SPOCK3: variants seen among roughly 807,000 people sequenced by gnomAD.
The protein encoded by SPOCK3 is testican-3.
In SPOCK3, 30 loss-of-function variants were observed where a neutral mutation model predicts 56.6. The ratio of observed to expected loss-of-function variants is 0.53; its 90% CI spans 0.40 to 0.72. The LOEUF (loss-of-function observed/expected upper bound fraction) is 0.72, where lower values mean the gene tolerates loss of function less well. SPOCK3 is among the 30% of genes least tolerant of loss of function. The probability of loss-of-function intolerance (pLI) is 0.00; values close to 1 mark genes in which losing one functional copy is unlikely to be tolerated. For missense variants in SPOCK3, 527 were observed against 530.0 expected (o/e 0.99, Z 0.06); for synonymous variants, 196 against 183.3 (o/e 1.07, Z -0.56).
intron 3 of SPOCK3, among the ~76,000 whole-genome samples, chr4:167,060,783 T>C (rs943592605): frequency 7.2e-5 from 11 of 152,084 alleles, no homozygotes; most frequent in Admixed American, 7.2e-4. Context: ...GTTTGGGGGT[T>C]CAGACTGACT....
intron 6 of SPOCK3, among the ~76,000 whole-genome samples, chr4:166,879,623 C>G (rs1579516959): frequency 6.6e-6 from 1 of 152,146 alleles, no homozygotes; most frequent in Non-Finnish European, 1.5e-5. Flanking sequence ...ACCACTTTCC[C>G]TCATATTTTA....
intron 3 of SPOCK3, among the ~76,000 whole-genome samples, chr4:167,055,461 G>T (rs556680379): frequency 1.3e-5 from 2 of 152,112 alleles, no homozygotes; most frequent in Non-Finnish European, 2.9e-5. Context: ...CAGGACAGTG[G>T]GTGCAGCACA....
At chr4:166,975,442 A>C (rs2150081752) in intron 4 of SPOCK3, among the ~76,000 whole-genome samples, 1 of 152,310 alleles carries the variant, frequency 6.6e-6, no homozygotes, top group East Asian at 1.9e-4. Context: ...TACCATGTGC[A>C]CTAATCACAT....
In SPOCK3 at chr4:166,946,384, C is replaced by CCCCAGGCTCAGTCTGCT. The variant is rs1243365431; in HGVS notation, c.351-33658_351-33642dup. Among the ~76,000 whole-genome samples, 6 of 152,310 alleles carry CCCCAGGCTCAGTCTGCT rather than the reference C, an allele frequency of 3.9e-5. No individual in the cohort carries two copies. The East Asian group carries it at 9.7e-4, about 25-fold the overall frequency. ...TTTTTCAGAGCACATCTAATTCATA[C>CCCCAGGCTCAGTCTGCT]CCCAGGCTCAGTCTGCTCCCAGGCT... On this transcript the variant is annotated intron_variant, in intron 4 of 10. Coordinates refer to ENST00000357545, the MANE Select transcript of SPOCK3 (RefSeq NM_001040159.2).
intron 1 of SPOCK3, 95 bp from the exon 2 acceptor site, chr4:167,234,268 A>G (rs1737508875): frequency 8.1e-7 from 1 of 1,227,310 alleles, no homozygotes; most frequent in Non-Finnish European, 1.2e-6. Flanking sequence ...TGCATTAGCA[A>G]CGACGAGGGT....
chr4:166,809,745 G>A (rs1743572175), intron 6 of SPOCK3, among the ~76,000 whole-genome samples: 1 of 152,076 alleles, frequency 6.6e-6, no homozygotes. Context: ...AGCTGGAGAT[G>A]ATTGGGCACC....
chr4:167,108,068 C>T (rs531072494), intron 2 of SPOCK3, among the ~76,000 whole-genome samples: 2 of 151,910 alleles, frequency 1.3e-5, no homozygotes, highest in Admixed American at 6.6e-5. Flanking sequence ...CAATATCATT[C>T]ATCATCACAG....
At chr4:166,893,149 C>A (rs1734967103) in intron 5 of SPOCK3, among the ~76,000 whole-genome samples, 1 of 152,084 alleles carries the variant, frequency 6.6e-6, no homozygotes, top group Non-Finnish European at 1.5e-5. Flanking sequence ...ATGCAAAGGA[C>A]AACCCCCCTG....
At chr4:166,801,633 T>C (rs1057433803) in intron 6 of SPOCK3, among the ~76,000 whole-genome samples, 2 of 152,090 alleles carry the variant, frequency 1.3e-5, no homozygotes, top group African/African-American at 2.4e-5. Flanking sequence ...TCAATACATA[T>C]AGACAACTCG....
rs141253572 is a variant in SPOCK3, at chr4:167,017,301, A to G, written c.236-16838T>C. Among the ~76,000 whole-genome samples, 735 of 152,208 alleles carry G rather than the reference A, an allele frequency of 4.8e-3. 10 individuals carry two copies. The highest frequency in any genetic ancestry group is 0.016 in the African/African-American group (678 of 41,564). On this transcript the variant is annotated intron_variant, in intron 3 of 10. Coordinates refer to ENST00000357545, the MANE Select transcript of SPOCK3 (RefSeq NM_001040159.2). Reference sequence around the variant, plus strand: ...CGTCCTGGGACAGTCTCAGACATGAACATATCTTAATAACCTTGGGAGGAG... The same window carrying G: ...CGTCCTGGGACAGTCTCAGACATGAGCATATCTTAATAACCTTGGGAGGAG...
At chr4:166,859,064 G>A (rs983623525) in intron 6 of SPOCK3, among the ~76,000 whole-genome samples, 1 of 152,144 alleles carries the variant, frequency 6.6e-6, no homozygotes, top group African/African-American at 2.4e-5. Flanking sequence ...ATGTTTAAAA[G>A]CATAAATACT....
chr4:166,857,843 C>T (rs973743153), intron 6 of SPOCK3, among the ~76,000 whole-genome samples: 1 of 152,128 alleles, frequency 6.6e-6, no homozygotes, highest in Non-Finnish European at 1.5e-5. Flanking sequence ...AGCCCTTTTG[C>T]CTTGCCAAAA....
intron 2 of SPOCK3, among the ~76,000 whole-genome samples, chr4:167,094,318 G>T (rs1447082226): frequency 1.3e-5 from 2 of 151,864 alleles, no homozygotes; most frequent in African/African-American, 4.8e-5. Flanking sequence ...TCTTTTCATT[G>T]TATTAATAAA....
intron 2 of SPOCK3, among the ~76,000 whole-genome samples, chr4:167,134,469 T>C (rs1438214040): frequency 2.6e-5 from 4 of 152,180 alleles, no homozygotes; most frequent in Non-Finnish European, 5.9e-5. Flanking sequence ...TTAATTTTTA[T>C]TTGCTATTAT....
At chr4:166,896,211 A>G (rs541572389) in intron 5 of SPOCK3, among the ~76,000 whole-genome samples, 1 of 152,290 alleles carries the variant, frequency 6.6e-6, no homozygotes, top group South Asian at 2.1e-4. Flanking sequence ...TTGCTTCTTA[A>G]TATGGGAGTC....
In SPOCK3 at chr4:167,107,157, C is replaced by T. The variant is rs570132729; in HGVS notation, c.190-44620G>A. On this transcript the variant is annotated intron_variant, in intron 2 of 10. Transcript: ENST00000357545. ...ATACTTCCAAATTCATTCTACTAGG[C>T]CAGTTTTACCCTGATACCAAAACCA... is the stretch of plus-strand genomic sequence containing the variant. Among the ~76,000 whole-genome samples, 5 of 151,998 alleles carry T rather than the reference C, an allele frequency of 3.3e-5. No homozygotes were observed. The South Asian group carries it at 1.0e-3, about 32-fold the overall frequency.
chr4:166,901,445 T>A (rs1171952082), intron 5 of SPOCK3, among the ~76,000 whole-genome samples: 1 of 152,160 alleles, frequency 6.6e-6, no homozygotes, highest in African/African-American at 2.4e-5. Context: ...GAAGTTCTTT[T>A]CGTAACAGGA....
At chr4:166,783,840 G>A (rs1740438931) in intron 7 of SPOCK3, among the ~76,000 whole-genome samples, 1 of 152,078 alleles carries the variant, frequency 6.6e-6, no homozygotes, top group African/African-American at 2.4e-5. Context: ...TTACTCAACT[G>A]GCATTGGAGT....
chr4:166,798,183 C>A (rs897076133), intron 6 of SPOCK3, among the ~76,000 whole-genome samples: 1 of 152,178 alleles, frequency 6.6e-6, no homozygotes, highest in Non-Finnish European at 1.5e-5. Flanking sequence ...TTATACTCTA[C>A]TTTTTATCAG....
Sources: allele counts gnomAD v4.1 joint callset (sites outside exome capture counted in the v4.1 genomes callset), GRCh38; gene constraint gnomAD v4.1.1; transcripts MANE v1.5; gene names NCBI Gene and HGNC (gene_info 2026-07-23, HGNC 2026-07-21).